Variants in PIAS1 observed in about 807,000 individuals in gnomAD.
The protein encoded by PIAS1 is E3 SUMO-protein ligase PIAS1.
In PIAS1, 6 loss-of-function variants were observed where a neutral mutation model predicts 71.3. The observed-to-expected ratio is 0.08, with a 90% CI of 0.05 to 0.17. The LOEUF is 0.17. PIAS1 is among the 10% of genes least tolerant of loss of function. The pLI is 1.00. For missense variants in PIAS1, 555 were observed against 793.6 expected, an observed-to-expected ratio of 0.70 and a Z score of 3.61; for synonymous variants, 303 against 292.9, an observed-to-expected ratio of 1.03 and a Z score of -0.35.
At chr15:68,059,316 A>T (rs1270687223) in intron 1 of PIAS1, among the ~76,000 whole-genome samples, 2 of 151,942 alleles carry the variant, frequency 1.3e-5, no homozygotes, top group Non-Finnish European at 2.9e-5. Context: ...GGCCCAGATT[A>T]TTCTCCTTTT....
chr15:68,062,136 G>A (rs1225335778), intron 1 of PIAS1, among the ~76,000 whole-genome samples: 2 of 152,126 alleles, frequency 1.3e-5, no homozygotes, highest in Non-Finnish European at 2.9e-5. Flanking sequence ...AGATGAACTT[G>A]AATAACATTA....
rs1170804090 is a variant in PIAS1 at position 68,174,611 on chromosome 15, C to CCTCCT, written c.1169+720_1169+724dup. Among the ~76,000 whole-genome samples the CCTCCT allele has an allele frequency of 1.3e-5, 2 of 152,150 alleles. No homozygotes were observed. The highest frequency in any genetic ancestry group is 2.4e-5 in the African/African-American group (1 of 41,434). On this transcript the variant is annotated intron_variant, in intron 9 of 13. Transcript: ENST00000249636. The surrounding 1 kb of genome is among the most constrained non-coding windows in gnomAD (Gnocchi z 4.0). ...TCTCGAATTCCTGGGCTCAAGTGATCCTCCTGCCTTGGCCTCCCAAAGTAC... is the reference window on the plus strand; with the variant it reads ...TCTCGAATTCCTGGGCTCAAGTGATCCTCCTCTCCTGCCTTGGCCTCCCAAAGTAC...
chr15:68,097,653 G>A (rs1237856765), intron 2 of PIAS1, among the ~76,000 whole-genome samples: 3 of 151,994 alleles, frequency 2.0e-5, no homozygotes, highest in Non-Finnish European at 2.9e-5. Flanking sequence ...GGCTGGTGTC[G>A]AACTCCTGAG....
At chr15:68,183,085 A>T (rs1029871739) in intron 12 of PIAS1, among the ~76,000 whole-genome samples, 1 of 152,212 alleles carries the variant, frequency 6.6e-6, no homozygotes, top group Admixed American at 6.5e-5. Context: ...TTCTTATGTA[A>T]TAGTAGCCAG....
Position 68,193,095 on chromosome 15 carries a change from T to G in PIAS1, c.*5260T>G, listed in dbSNP as rs1045271340. On this transcript the variant is annotated 3_prime_UTR_variant, in exon 14 of 14. Transcript: ENST00000249636. ...GCCATTGCTGGTTACATCCCCTTAT[T>G]TCTCTCCGTAAGTCCTGGGGAGGTG... 2 of 152,260 alleles carry G rather than the reference T, an allele frequency of 1.3e-5. No homozygotes were observed. Among genetic ancestry groups the G allele is most frequent in the African/African-American group, 4.8e-5 (2 of 41,452 alleles). 9.4% of individuals were successfully genotyped at this position (152,260 alleles called of 1,614,324 possible).
At chr15:68,175,971 T>C (rs773426931) in intron 10 of PIAS1, among the ~76,000 whole-genome samples, 19 of 152,224 alleles carry the variant, frequency 1.2e-4, no homozygotes, top group Non-Finnish European at 2.4e-4. Flanking sequence ...TTTACTGATA[T>C]AAGATTTCAA....
chr15:68,108,404 C>G (rs1236740996), intron 2 of PIAS1, among the ~76,000 whole-genome samples: 1 of 152,080 alleles, frequency 6.6e-6, no homozygotes, highest in Non-Finnish European at 1.5e-5. Flanking sequence ...TTCCAGGATT[C>G]CACACTCTCT....
chr15:68,090,346 G>T (rs1238553460), intron 2 of PIAS1, among the ~76,000 whole-genome samples: 1 of 151,898 alleles, frequency 6.6e-6, no homozygotes, highest in Non-Finnish European at 1.5e-5. Flanking sequence ...GAGACCACAG[G>T]CATGCACCAC....
Position 68,175,652 on chromosome 15 carries a change from C to G in PIAS1, c.1185C>G (p.Ile395Met). The change falls in exon 10 of 14, where the codon ATC becomes ATG. Residue 395 changes from isoleucine to methionine, a missense_variant. Ile to Met is a conservative substitution (Grantham distance 10). Coordinates refer to ENST00000249636, the MANE Select transcript of PIAS1 (RefSeq NM_016166.3). ...HLIIDGLFME[I>M]LKYCTDCDEI... ...TTTCTTATAGCTTGTTTATGGAAATCCTAAAGTACTGTACAGACTGTGATG... is the reference window on the plus strand; with the variant it reads ...TTTCTTATAGCTTGTTTATGGAAATGCTAAAGTACTGTACAGACTGTGATG... The G allele has an allele frequency of 6.6e-7, 1 of 1,514,974 alleles. No homozygotes were observed. Among genetic ancestry groups the G allele is most frequent in the Non-Finnish European group, 8.9e-7 (1 of 1,120,140 alleles). 93.8% of individuals were successfully genotyped at this position (1,514,974 alleles called of 1,614,324 possible). A position where few individuals can be genotyped will look rare whatever the true frequency, so the allele number is the denominator to read the frequency against.
At chr15:68,080,851 A>G (rs2092222328) in intron 1 of PIAS1, among the ~76,000 whole-genome samples, 1 of 152,246 alleles carries the variant, frequency 6.6e-6, no homozygotes, top group African/African-American at 2.4e-5. Flanking sequence ...TTGATACCAG[A>G]TAAAGACTCA....
chr15:68,067,735 C>T (rs991505804), intron 1 of PIAS1, among the ~76,000 whole-genome samples: 5 of 151,924 alleles, frequency 3.3e-5, no homozygotes, highest in Admixed American at 6.6e-5. Flanking sequence ...TTATATACAG[C>T]GTAGTATGTA....
intron 1 of PIAS1, among the ~76,000 whole-genome samples, chr15:68,076,964 G>A (rs1263108332): frequency 6.6e-6 from 1 of 152,108 alleles, no homozygotes; most frequent in Admixed American, 6.5e-5. Flanking sequence ...TTTTTCAAAA[G>A]GGGTTTGAAA....
chr15:68,076,021 G>C (rs905653804), intron 1 of PIAS1, among the ~76,000 whole-genome samples: 1 of 152,068 alleles, frequency 6.6e-6, no homozygotes, highest in African/African-American at 2.4e-5. Context: ...GACCTCAGGT[G>C]ATCTGCCCGC....
chr15:68,080,249 T>C (rs2092216304), intron 1 of PIAS1, among the ~76,000 whole-genome samples: 1 of 152,204 alleles, frequency 6.6e-6, no homozygotes, highest in African/African-American at 2.4e-5. Flanking sequence ...CTATCAAAAA[T>C]TAAAGCCATG....
At chr15:68,084,492 A>T (rs2092260390) in intron 1 of PIAS1, among the ~76,000 whole-genome samples, 1 of 152,196 alleles carries the variant, frequency 6.6e-6, no homozygotes, top group African/African-American at 2.4e-5. Flanking sequence ...ACAATCTTTG[A>T]TAACATTAAA....
At chr15:68,115,599 T>A (rs1457040139) in intron 2 of PIAS1, among the ~76,000 whole-genome samples, 1 of 152,150 alleles carries the variant, frequency 6.6e-6, no homozygotes, top group Non-Finnish European at 1.5e-5. Flanking sequence ...TAAGAGTGGA[T>A]GTCACTGCCT....
chr15:68,184,028 AAACAGTGTGCC>A, intron 13 of PIAS1: 1 of 163,432 alleles, frequency 6.1e-6, no homozygotes, highest in Non-Finnish European at 1.3e-5. Context: ...GTTTGCTGTA[AAACAGTGTGCC>A]ATGTTATTCC....
At position 68,185,748 on chromosome 15, in the gene PIAS1, G is replaced by T. The variant is rs767755643; in HGVS notation, c.1663-1794G>T. Among the ~76,000 whole-genome samples the T allele has an allele frequency of 1.3e-5, 2 of 152,006 alleles. No individual in the cohort carries two copies. Among genetic ancestry groups the T allele is most frequent in the Admixed American group, 6.5e-5 (1 of 15,274 alleles). ...GGAGGCCAAAGCGGGTAGATCATGA[G>T]GTCAGGAGTTCGAGACCAGCCTGAC... On this transcript the variant is annotated intron_variant, in intron 13 of 13. Coordinates refer to ENST00000249636, the MANE Select transcript of PIAS1 (RefSeq NM_016166.3). This position sits in a 1 kb window ranked among gnomAD's most constrained non-coding sequence, Gnocchi z 4.4.
intron 1 of PIAS1, among the ~76,000 whole-genome samples, chr15:68,080,505 C>G (rs1296809503): frequency 6.6e-6 from 1 of 152,142 alleles, no homozygotes; most frequent in Non-Finnish European, 1.5e-5. Context: ...TGTAACCAAC[C>G]TGATTTGCTG....
Sources: gnomAD v4.1 joint callset for allele counts (sites outside exome capture counted in the v4.1 genomes callset) on GRCh38, gnomAD v4.1.1 for gene constraint, Gnocchi (gnomAD v3.1) non-coding constraint, MANE v1.5 for transcripts, NCBI Gene and HGNC (gene_info 2026-07-23, HGNC 2026-07-21) for gene names.